TMEM50B: variants seen among roughly 807,000 people sequenced by gnomAD.
TMEM50B encodes the protein HCV p7-trans-regulated protein 3.
A neutral mutation model predicts 23.4 loss-of-function variants in TMEM50B; 14 were observed. The observed-to-expected ratio is 0.60, with a 90% CI of 0.39 to 0.93. The LOEUF is 0.93. Among genes scored for constraint, TMEM50B ranks in the 40% least tolerant of loss-of-function variants. The pLI, the probability that TMEM50B is intolerant of heterozygous loss-of-function variation, is 0.00. For synonymous variants in TMEM50B, 64 were observed against 62.3 expected (o/e 1.03, Z -0.13); for missense variants, 159 against 193.0 (o/e 0.82, Z 1.04).
At chr21:33,461,678 G>A (rs1289466031) in intron 4 of TMEM50B, among the ~76,000 whole-genome samples, 2 of 152,032 alleles carry the variant, frequency 1.3e-5, no homozygotes, top group East Asian at 1.9e-4. Context: ...GGTGGCGGGT[G>A]CCTGTAGTCC....
At chr21:33,465,912 C>CT (rs1276668188) in intron 3 of TMEM50B, among the ~76,000 whole-genome samples, 2 of 152,022 alleles carry the variant, frequency 1.3e-5, no homozygotes, top group African/African-American at 4.8e-5. Flanking sequence ...CAGGAATTTC[C>CT]TTTTTTTAGA....
At chr21:33,436,767 A>C (rs968682904) in intron 8 of TMEM50B, 49 of 1,347,906 alleles carry the variant, frequency 3.6e-5, no homozygotes, top group Non-Finnish European at 4.9e-5. Flanking sequence ...AACTAAAGTT[A>C]AAAGGTCTGG....
At chr21:33,447,587 CA>C (rs2084074691), downstream of TMEM50B, among the ~76,000 whole-genome samples, 3 of 151,756 alleles carry the variant, frequency 2.0e-5, no homozygotes, top group South Asian at 6.2e-4. Flanking sequence ...CTCAAGGGGC[CA>C]AATTATATGG....
chr21:33,477,598 A>G (rs2084385314), intron 1 of TMEM50B, among the ~76,000 whole-genome samples: 1 of 71,764 alleles, frequency 1.4e-5, no homozygotes, highest in South Asian at 5.1e-4. Context: ...GCACTTTGGG[A>G]GGCCGAGGCG....
chr21:33,437,952 C>T (rs954860683), intron 8 of TMEM50B, among the ~76,000 whole-genome samples: 5 of 147,792 alleles, frequency 3.4e-5, no homozygotes, highest in Non-Finnish European at 7.4e-5. Context: ...CACTGCACTC[C>T]AGCGTGGGAG....
intron 8 of TMEM50B, chr21:33,436,741 A>G: frequency 9.1e-7 from 1 of 1,104,678 alleles, no homozygotes; most frequent in Non-Finnish European, 1.3e-6. Flanking sequence ...AAAAATAAAA[A>G]TAAAATAAAA....
At chr21:33,444,481 G>C (rs2084034975), downstream of TMEM50B, among the ~76,000 whole-genome samples, 1 of 151,896 alleles carries the variant, frequency 6.6e-6, no homozygotes, top group South Asian at 2.1e-4. Context: ...GGAGGCAGAG[G>C]TTGCAGTGAG....
At chr21:33,472,623 T>C (rs1321053532) in intron 1 of TMEM50B, among the ~76,000 whole-genome samples, 1 of 152,020 alleles carries the variant, frequency 6.6e-6, no homozygotes, top group African/African-American at 2.4e-5. Context: ...ACACCTGCAA[T>C]CCCAGCACTT....
chr21:33,451,053 A>C (rs2084115527), intron 6 of TMEM50B, among the ~76,000 whole-genome samples, 190 bp from the exon 7 acceptor site: 1 of 152,248 alleles, frequency 6.6e-6, no homozygotes, highest in Non-Finnish European at 1.5e-5. Context: ...ACGATGGCTA[A>C]GCATAACTGT....
Position 33,465,322 on chromosome 21 carries a change from A to G in TMEM50B, c.280+20T>C, listed in dbSNP as rs759800467. 5 of 1,607,166 alleles carry G rather than the reference A, an allele frequency of 3.1e-6. No homozygotes were observed. The South Asian group carries it at 5.6e-5, about 18-fold the overall frequency. On this transcript the variant is annotated intron_variant, in intron 4 of 6. Coordinates refer to ENST00000542230, the MANE Select transcript of TMEM50B (RefSeq NM_006134.7). ...ATTTCTGTTTTGTCAACACCCATTAACAGCTCAAAGTATCTTTACCTGTTC... is the reference window on the plus strand; with the variant it reads ...ATTTCTGTTTTGTCAACACCCATTAGCAGCTCAAAGTATCTTTACCTGTTC...
At chr21:33,448,031 C>T (rs1324955261), downstream of TMEM50B, among the ~76,000 whole-genome samples, 1 of 152,132 alleles carries the variant, frequency 6.6e-6, no homozygotes, top group African/African-American at 2.4e-5. Flanking sequence ...CTCGCTTTGT[C>T]ACCCAAGCTG....
At chr21:33,473,350 G>A (rs2084335548) in intron 1 of TMEM50B, among the ~76,000 whole-genome samples, 2 of 151,876 alleles carry the variant, frequency 1.3e-5, no homozygotes, top group Admixed American at 6.6e-5. Flanking sequence ...CTACTCAGGA[G>A]GCTGAGGCAC....
intron 5 of TMEM50B, among the ~76,000 whole-genome samples, chr21:33,458,648 C>T (rs2084190913): frequency 1.3e-5 from 2 of 152,114 alleles, no homozygotes; most frequent in African/African-American, 4.8e-5. Flanking sequence ...TAAAAATATT[C>T]TCAAATTGGA....
At chr21:33,451,322 A>G (rs2084117580) in intron 6 of TMEM50B, among the ~76,000 whole-genome samples, 1 of 152,212 alleles carries the variant, frequency 6.6e-6, no homozygotes. Context: ...TGCACTGAAA[A>G]GTGGCTACGT....
chr21:33,439,404 C>G (rs6517171), intron 7 of TMEM50B: 117,075 of 151,844 alleles, frequency 0.77, 45,643 homozygotes, highest in East Asian at 0.98. Context: ...TTTAGAGACA[C>G]AGTCTCACCC....
At chr21:33,473,307 T>G (rs7277751) in intron 1 of TMEM50B, among the ~76,000 whole-genome samples, 62,584 of 151,382 alleles carry the variant, frequency 0.41, 14,970 homozygotes, top group Non-Finnish European at 0.54. Flanking sequence ...ACAAAAATTA[T>G]CTGGGCATGG....
At chr21:33,448,829 C>T (rs973558127), downstream of TMEM50B, 1 of 151,736 alleles carries the variant, frequency 6.6e-6, no homozygotes, top group African/African-American at 2.4e-5. Flanking sequence ...ATTGCCTGAG[C>T]TCCAGCATTT....
intron 7 of TMEM50B, among the ~76,000 whole-genome samples, chr21:33,442,082 A>C (rs992677432): frequency 5.3e-5 from 8 of 152,166 alleles, no homozygotes; most frequent in African/African-American, 1.4e-4. Context: ...CTATGCAGTC[A>C]CATCTCTGAG....
intron 8 of TMEM50B, among the ~76,000 whole-genome samples, chr21:33,434,320 G>A (rs1452025063): frequency 2.0e-5 from 3 of 152,074 alleles, no homozygotes; most frequent in East Asian, 3.9e-4. Flanking sequence ...TCAGGAGTTC[G>A]AGACCAGCCT....
Sources: gnomAD v4.1 joint callset for allele counts (sites outside exome capture counted in the v4.1 genomes callset) on GRCh38, gnomAD v4.1.1 for gene constraint, MANE v1.5 for transcripts, NCBI Gene and HGNC (gene_info 2026-07-23, HGNC 2026-07-21) for gene names.